Variants in TRPM2 observed in about 807,000 individuals in gnomAD.
The protein encoded by TRPM2 is transient receptor potential cation channel subfamily M member 2, also known as estrogen-responsive element-associated gene 1 protein.
In TRPM2, 161 loss-of-function variants were observed where a neutral mutation model predicts 174.0. That is an observed-to-expected ratio of 0.93 (90% CI 0.81 to 1.05). The LOEUF (loss-of-function observed/expected upper bound fraction) is 1.05, where lower values mean the gene tolerates loss of function less well. Ranked by LOEUF, TRPM2 falls within the 50% of genes least tolerant of loss-of-function variation. The pLI is 0.00. For missense variants in TRPM2, 2,057 were observed against 2,038.0 expected (o/e 1.01, Z -0.18); for synonymous variants, 954 against 861.3 (o/e 1.11, Z -1.88).
intron 5 of TRPM2, among the ~76,000 whole-genome samples, chr21:44,375,114 C>T (rs368412970): frequency 7.2e-5 from 11 of 152,142 alleles, no homozygotes; most frequent in South Asian, 4.1e-4. Flanking sequence ...TCCGCTATGT[C>T]GTCCAGGCTG....
At chr21:44,360,319 T>G (rs1316815087) in intron 2 of TRPM2, among the ~76,000 whole-genome samples, 1 of 152,186 alleles carries the variant, frequency 6.6e-6, no homozygotes, top group Non-Finnish European at 1.5e-5. Flanking sequence ...GGGCAGCTCC[T>G]GCCGTCCCCA....
intron 19 of TRPM2, among the ~76,000 whole-genome samples, chr21:44,412,723 G>C (rs1317840967): frequency 2.1e-4 from 32 of 151,780 alleles, no homozygotes; most frequent in Admixed American, 2.1e-3. Flanking sequence ...CAATCAAAGA[G>C]GTTCTCTTTG....
chr21:44,362,541 C>T (rs1209170469), intron 2 of TRPM2, among the ~76,000 whole-genome samples: 2 of 151,600 alleles, frequency 1.3e-5, no homozygotes, highest in Non-Finnish European at 2.9e-5. Flanking sequence ...AGAAAGAAAA[C>T]CATGTCAGAT....
At chr21:44,434,962 C>T (rs2051179096) in intron 27 of TRPM2, among the ~76,000 whole-genome samples, 169 bp from the exon 28 acceptor site, 1 of 152,084 alleles carries the variant, frequency 6.6e-6, no homozygotes, top group Non-Finnish European at 1.5e-5. Context: ...CTTGGGGGTC[C>T]CAAAGGGATC....
At chr21:44,357,054 G>A (rs1428229595) in intron 2 of TRPM2, among the ~76,000 whole-genome samples, 3 of 152,160 alleles carry the variant, frequency 2.0e-5, no homozygotes, top group African/African-American at 4.8e-5. Flanking sequence ...CAGGGTCTTT[G>A]TGACCTGTGT....
In TRPM2 at chr21:44,358,476, G is replaced by A. The variant is rs558245339; in HGVS notation, c.254+3740G>A. On this transcript the variant is annotated intron_variant, in intron 2 of 31. Coordinates refer to ENST00000397928, the MANE Select transcript of TRPM2 (RefSeq NM_003307.4). Reference sequence around the variant, plus strand: ...GTGCCGGGGGTGGTGTCCCGTTTACGCCTATCTGGGCCGAGTTCCGAGCGA... The same window carrying A: ...GTGCCGGGGGTGGTGTCCCGTTTACACCTATCTGGGCCGAGTTCCGAGCGA... Among the ~76,000 whole-genome samples the A allele has an allele frequency of 7.9e-5, 12 of 152,308 alleles. No homozygotes were observed. In the South Asian group the frequency reaches 2.5e-3, roughly 32 times the overall value.
At chr21:44,385,119 A>G (rs372088042) in intron 9 of TRPM2, among the ~76,000 whole-genome samples, 52 of 152,360 alleles carry the variant, frequency 3.4e-4, no homozygotes, top group African/African-American at 1.2e-3. Flanking sequence ...GAATGCAAGG[A>G]TGGTTCAACA....
At chr21:44,369,028 C>G (rs1050405769) in intron 4 of TRPM2, 149 bp from the exon 5 acceptor site, 11 of 866,842 alleles carry the variant, frequency 1.3e-5, no homozygotes, top group Admixed American at 3.0e-5. Flanking sequence ...TTCCTTACAC[C>G]TGATGCTGGT....
Position 44,427,129 on chromosome 21 carries a change from G to A in TRPM2, c.3974+18G>A, listed in dbSNP as rs762884181. The stretch of plus-strand genomic sequence containing the variant: ...TTGCCCCTGTGAGTGTGCCCCCTGC[G>A]GGCCCCGCCCCGTCAGCCTTTGGGG... On this transcript the variant is annotated intron_variant, in intron 27 of 31. Transcript: ENST00000397928. 2.6e-5 allele frequency: 41 copies of A among 1,560,920 alleles called. No homozygotes were observed. The East Asian group carries it at 3.8e-4, about 14-fold the overall frequency.
chr21:44,418,328 G>A lies in TRPM2; in HGVS notation c.3329-95G>A. 4 of 1,526,892 alleles carry A rather than the reference G, an allele frequency of 2.6e-6. No individual in the cohort carries two copies. In the South Asian group the frequency reaches 3.7e-5, roughly 14 times the overall value. The allele number at this position is 1,526,892 out of a possible 1,614,324, so 94.6% of individuals were successfully genotyped here. A position where few individuals can be genotyped will look rare whatever the true frequency, so the allele number is the denominator to read the frequency against. On this transcript the variant is annotated intron_variant, in intron 21 of 31. Transcript: ENST00000397928. ...TGGGCTCTTCCTGCCACTCAGGACT[G>A]GCCCCCTCCCACGGGGCCCCCCCGG...
chr21:44,401,827 C>T lies in TRPM2; in HGVS notation c.2468C>T (p.Pro823Leu), dbSNP rs765797209. ...TACGTGCTCATGGTGGACTTCCAGC[C>T]TGTGCCCTCCTGGTGCGAGTGTGCC... Reference protein sequence around the residue: ...FAYVLMVDFQPVPSWCECAIY... With the variant: ...FAYVLMVDFQLVPSWCECAIY... Residue 823 changes from proline to leucine, a missense_variant, in exon 16 of 32, where the codon CCT becomes CTT. By Grantham distance (98) the Pro-to-Leu change is moderately conservative (BLOSUM62 -3). Coordinates refer to ENST00000397928, the MANE Select transcript of TRPM2 (RefSeq NM_003307.4). The T allele has an allele frequency of 3.7e-6, 6 of 1,613,842 alleles. No homozygotes were observed. In the African/African-American group the frequency reaches 8.0e-5, roughly 22 times the overall value.
At position 44,376,965 on chromosome 21, in the gene TRPM2, C is replaced by T. The variant is rs1602163823; in HGVS notation, c.953-747C>T. On this transcript the variant is annotated intron_variant, in intron 6 of 31. Transcript: ENST00000397928. This position sits in a 1 kb window ranked among gnomAD's most constrained non-coding sequence, Gnocchi z 4.2. Reference sequence around the variant, plus strand: ...GAGAACCCTGCTTGACTAGTAGGAGCACGTTCCCTGGTGAGGACGATGCTG... The same window carrying T: ...GAGAACCCTGCTTGACTAGTAGGAGTACGTTCCCTGGTGAGGACGATGCTG... 2.0e-5 allele frequency among the ~76,000 whole-genome samples: 3 copies of T among 151,288 alleles called. No individual in the cohort carries two copies. In the East Asian group the frequency reaches 5.8e-4, roughly 29 times the overall value.
chr21:44,434,386 G>A lies in TRPM2; in HGVS notation c.3975-745G>A, dbSNP rs116568875. On this transcript the variant is annotated intron_variant, in intron 27 of 31. Coordinates refer to ENST00000397928, the MANE Select transcript of TRPM2 (RefSeq NM_003307.4). Reference sequence around the variant, plus strand: ...TGGCGGGGACACTGGTGTTGGGAACGCTGGTGGCGGGGATGGTGGCGGGGA... The same window carrying A: ...TGGCGGGGACACTGGTGTTGGGAACACTGGTGGCGGGGATGGTGGCGGGGA... 2.3e-3 allele frequency among the ~76,000 whole-genome samples: 349 copies of A among 151,838 alleles called. 1 individual carries two copies. Among genetic ancestry groups the A allele is most frequent in the Middle Eastern group, 0.01 (3 of 294 alleles).
chr21:44,438,978 G>A lies in TRPM2; in HGVS notation c.4168-89G>A, dbSNP rs2051385627. ...CAGGGCTGGGCCGCTGCCCACGCCGGGCAGGAGGCCAGTGGAGACGGGTGC... is the reference window on the plus strand; with the variant it reads ...CAGGGCTGGGCCGCTGCCCACGCCGAGCAGGAGGCCAGTGGAGACGGGTGC... On this transcript the variant is annotated intron_variant, in intron 29 of 31. Coordinates refer to ENST00000397928, the MANE Select transcript of TRPM2 (RefSeq NM_003307.4). The surrounding 1 kb of genome is among the most constrained non-coding windows in gnomAD (Gnocchi z 5.9). 1 of 1,104,856 alleles carries A rather than the reference G, an allele frequency of 9.1e-7. No homozygotes were observed. Among genetic ancestry groups the A allele is most frequent in the African/African-American group, 1.5e-5 (1 of 64,816 alleles). The allele number at this position is 1,104,856 out of a possible 1,614,324, so 68.4% of individuals were successfully genotyped here.
At chr21:44,437,507 C>T (rs565785959) in intron 29 of TRPM2, among the ~76,000 whole-genome samples, 40 of 152,088 alleles carry the variant, frequency 2.6e-4, no homozygotes, top group Admixed American at 5.2e-4. Context: ...GCTCTTCTCC[C>T]GTGTCTCAGA....
At chr21:44,370,772 T>A (rs1346803370) in intron 5 of TRPM2, among the ~76,000 whole-genome samples, 2 of 152,210 alleles carry the variant, frequency 1.3e-5, no homozygotes, top group Non-Finnish European at 1.5e-5. Flanking sequence ...TGTTGGGCTT[T>A]GTTTGCTCTT....
Position 44,437,028 on chromosome 21 carries a change from G to C in TRPM2, c.4062-34G>C, listed in dbSNP as rs116542352. 8.9e-5 allele frequency: 138 copies of C among 1,543,120 alleles called. No homozygotes were observed. In the African/African-American group the frequency reaches 1.8e-3, roughly 20 times the overall value. On this transcript the variant is annotated intron_variant, in intron 28 of 31. Transcript: ENST00000397928. The stretch of plus-strand genomic sequence containing the variant: ...CGCAGGGGAGGGTGGAGGCCGCAGC[G>C]GGTCCTGGGCAGCCATGGCCGCTCT...
At chr21:44,392,928 C>A (rs1347765766) in intron 11 of TRPM2, among the ~76,000 whole-genome samples, 1 of 152,032 alleles carries the variant, frequency 6.6e-6, no homozygotes, top group African/African-American at 2.4e-5. Flanking sequence ...TAGTCTGCAC[C>A]CTGTGATTCA....
rs200579610 is a variant in TRPM2 at position 44,369,341 on chromosome 21, A to T, written c.769A>T (p.Thr257Ser). The T allele has an allele frequency of 2.5e-6, 4 of 1,609,954 alleles. No individual in the cohort carries two copies. In the South Asian group the frequency reaches 3.3e-5, roughly 13 times the overall value. Residue 257 changes from threonine to serine, a missense_variant and splice_region_variant, in exon 5 of 32, where the codon ACG becomes TCG. By Grantham distance (58) the Thr-to-Ser change is moderately conservative. Coordinates refer to ENST00000397928, the MANE Select transcript of TRPM2 (RefSeq NM_003307.4). ...VHRREGLIHPTGSFPAEYILD... is the reference protein window; with the variant it reads ...VHRREGLIHPSGSFPAEYILD... ...CCGCCGCGAGGGCCTGATCCATCCC[A>T]CGGTGAGTGCGGCCCCCTAGGGAGG...
Sources: allele counts gnomAD v4.1 joint callset (sites outside exome capture counted in the v4.1 genomes callset), GRCh38; gene constraint gnomAD v4.1.1; non-coding constraint Gnocchi (gnomAD v3.1); transcripts MANE v1.5; gene names NCBI Gene and HGNC (gene_info 2026-07-23, HGNC 2026-07-21).